Variants in INPP5F observed in about 807,000 individuals in gnomAD.
INPP5F encodes the protein inositol polyphosphate-5-phosphatase F.
Under a neutral mutation model 137.2 loss-of-function variants are expected in INPP5F, and 97 were observed. The observed-to-expected ratio is 0.71, with a 90% CI of 0.60 to 0.84. The LOEUF is 0.84. Among genes scored for constraint, INPP5F ranks in the 40% least tolerant of loss-of-function variants. INPP5F has a pLI of 0.00. For synonymous variants in INPP5F, 504 were observed against 476.9 expected (o/e 1.06, Z -0.74); for missense variants, 1,271 against 1,371.9 (o/e 0.93, Z 1.16).
chr10:119,813,712 A>C (rs946270726), intron 15 of INPP5F, among the ~76,000 whole-genome samples: 3 of 152,210 alleles, frequency 2.0e-5, no homozygotes, highest in African/African-American at 7.2e-5. Flanking sequence ...TCTTTAAATC[A>C]CTGGCTGGGC....
chr10:119,763,455 G>A (rs1849064235), intron 2 of INPP5F, among the ~76,000 whole-genome samples: 1 of 152,200 alleles, frequency 6.6e-6, no homozygotes, highest in African/African-American at 2.4e-5. Flanking sequence ...GGCTTGTTCT[G>A]CCTTTGTCTT....
chr10:119,793,269 AG>A lies in INPP5F; in HGVS notation c.669+1057del, dbSNP rs1850211375. On this transcript the variant is annotated intron_variant, in intron 6 of 19. Transcript: ENST00000650623. The stretch of plus-strand genomic sequence containing the variant: ...CATAAATTTCTCTATGCCTGTCAAG[AG>A]TTTTGCATTTATTGCTAGAACAGAA... Among the ~76,000 whole-genome samples the A allele has an allele frequency of 2.6e-5, 4 of 152,238 alleles. No individual in the cohort carries two copies. The South Asian group carries it at 8.3e-4, about 31-fold the overall frequency.
intron 1 of INPP5F, among the ~76,000 whole-genome samples, chr10:119,743,410 TA>T (rs1454412229): frequency 2.0e-5 from 3 of 152,174 alleles, no homozygotes; most frequent in African/African-American, 7.2e-5. Flanking sequence ...GGCAAGTCAG[TA>T]ATGACATGCA....
At chr10:119,825,830 C>G (rs1394020042) in intron 19 of INPP5F, 1 of 395,412 alleles carries the variant, frequency 2.5e-6, no homozygotes, top group South Asian at 1.4e-4. Context: ...TAAAGAATTA[C>G]TTTAACCCAT....
chr10:119,785,416 G>C (rs1849861402), intron 3 of INPP5F, among the ~76,000 whole-genome samples: 1 of 151,248 alleles, frequency 6.6e-6, no homozygotes, highest in Non-Finnish European at 1.5e-5. Context: ...CTCCCGAGTA[G>C]CTGGGACTAC....
intron 2 of INPP5F, among the ~76,000 whole-genome samples, chr10:119,751,551 G>T (rs1012024817): frequency 6.6e-6 from 1 of 152,146 alleles, no homozygotes; most frequent in South Asian, 2.1e-4. Context: ...TGCCAGAGAC[G>T]AGTATGGGTC....
intron 6 of INPP5F, among the ~76,000 whole-genome samples, chr10:119,795,503 C>T (rs1254479948): frequency 1.3e-5 from 2 of 151,832 alleles, no homozygotes; most frequent in African/African-American, 2.4e-5. Flanking sequence ...AGACGCTCCT[C>T]ACTTCCCAGA....
Position 119,796,846 on chromosome 10 carries a change from C to G in INPP5F, c.801C>G (p.Thr267=), listed in dbSNP as rs771765473. The G allele has an allele frequency of 6.2e-7, 1 of 1,613,976 alleles. No individual in the cohort carries two copies. The highest frequency in any genetic ancestry group is 2.2e-5 in the East Asian group (1 of 44,878). The change falls in exon 7 of 20, where the codon ACC becomes ACG. Residue 267 remains threonine (T), a synonymous_variant. Transcript: ENST00000650623. ...SSPETPPQES[T]CVDDIHPRFL... The stretch of plus-strand genomic sequence containing the variant: ...CAGAGACCCCCCCTCAGGAGTCCAC[C>G]TGTGTAGATGATATTCACCCACGAT...
At chr10:119,746,951 G>A (rs1219354892) in intron 1 of INPP5F, among the ~76,000 whole-genome samples, 1 of 152,270 alleles carries the variant, frequency 6.6e-6, no homozygotes, top group East Asian at 1.9e-4. Flanking sequence ...AACACGTTCA[G>A]CTAATTTTTG....
chr10:119,794,545 A>G (rs1028642499), intron 6 of INPP5F, among the ~76,000 whole-genome samples: 4 of 151,974 alleles, frequency 2.6e-5, no homozygotes, highest in Non-Finnish European at 4.4e-5. Flanking sequence ...TACACCTCCC[A>G]GACGGGGTGG....
intron 2 of INPP5F, among the ~76,000 whole-genome samples, chr10:119,756,049 G>A (rs541022790): frequency 1.4e-3 from 209 of 152,152 alleles, no homozygotes; most frequent in African/African-American, 4.7e-3. Context: ...CCAGCTACTC[G>A]GGAGGCTGAG....
Position 119,774,845 on chromosome 10 carries a change from T to C in INPP5F, c.179-6790T>C, listed in dbSNP as rs1216708171. On this transcript the variant is annotated intron_variant, in intron 2 of 19. Coordinates refer to ENST00000650623, the MANE Select transcript of INPP5F (RefSeq NM_014937.4). Reference sequence around the variant, plus strand: ...TATAATATTCCATTTCCTTACAATATGTATAGTTAGTTTTTAACCTTTTAT... The same window carrying C: ...TATAATATTCCATTTCCTTACAATACGTATAGTTAGTTTTTAACCTTTTAT... 1.3e-5 allele frequency among the ~76,000 whole-genome samples: 2 copies of C among 152,186 alleles called. 1 individual carries two copies. The highest frequency in any genetic ancestry group is 4.8e-5 in the African/African-American group (2 of 41,432).
At chr10:119,739,148 C>T (rs1447436618) in intron 1 of INPP5F, among the ~76,000 whole-genome samples, 2 of 151,866 alleles carry the variant, frequency 1.3e-5, no homozygotes, top group East Asian at 3.9e-4. Flanking sequence ...AGCTGCTGCA[C>T]TTCAGTCTGG....
In INPP5F at chr10:119,811,529, AAC is replaced by A. The variant is rs758986448; in HGVS notation, c.1688-224_1688-223del. Among the ~76,000 whole-genome samples, 12 of 152,228 alleles carry A rather than the reference AAC, an allele frequency of 7.9e-5. No homozygotes were observed. In the South Asian group the frequency reaches 2.1e-3, roughly 26 times the overall value. ...TCACTTTTGTGATGGTGCCCTTTGA[AAC>A]ACAGTTTTTAATTTTTATGATGTCC... is the stretch of plus-strand genomic sequence containing the variant. On this transcript the variant is annotated intron_variant, in intron 14 of 19. Coordinates refer to ENST00000650623, the MANE Select transcript of INPP5F (RefSeq NM_014937.4).
chr10:119,757,283 G>A (rs1208446498), intron 2 of INPP5F, among the ~76,000 whole-genome samples: 1 of 151,458 alleles, frequency 6.6e-6, no homozygotes, highest in Admixed American at 6.6e-5. Flanking sequence ...GGCCAGACTG[G>A]TCTCGAACTC....
chr10:119,767,411 C>T (rs1007214976), intron 2 of INPP5F, among the ~76,000 whole-genome samples: 4 of 152,056 alleles, frequency 2.6e-5, no homozygotes, highest in African/African-American at 9.7e-5. Flanking sequence ...TTATCCCCTA[C>T]AGTGTAACCA....
At chr10:119,790,657 C>G (rs1327194429) in intron 3 of INPP5F, among the ~76,000 whole-genome samples, 1 of 152,106 alleles carries the variant, frequency 6.6e-6, no homozygotes, top group Non-Finnish European at 1.5e-5. Context: ...ACTATTAGTT[C>G]TTATTAAGAG....
At chr10:119,729,192 C>T (rs1847979127) in intron 1 of INPP5F, among the ~76,000 whole-genome samples, 1 of 152,284 alleles carries the variant, frequency 6.6e-6, no homozygotes, top group East Asian at 1.9e-4. Context: ...GTTGCCCAGG[C>T]TGGAGTGCGG....
intron 1 of INPP5F, among the ~76,000 whole-genome samples, chr10:119,737,970 G>C (rs1329581751): frequency 6.6e-6 from 1 of 152,004 alleles, no homozygotes; most frequent in East Asian, 1.9e-4. Context: ...ACCCAGGCTT[G>C]TTCTTGGGCT....
Sources: gnomAD v4.1 joint callset for allele counts (sites outside exome capture counted in the v4.1 genomes callset) on GRCh38, gnomAD v4.1.1 for gene constraint, MANE v1.5 for transcripts, NCBI Gene and HGNC (gene_info 2026-07-23, HGNC 2026-07-21) for gene names.